ZSWIM8: variants seen among roughly 807,000 people sequenced by gnomAD.
The protein encoded by ZSWIM8 is zinc finger SWIM-type containing 8.
In ZSWIM8, 27 loss-of-function variants were observed where a neutral mutation model predicts 173.7. The ratio of observed to expected loss-of-function variants is 0.16; its 90% CI spans 0.11 to 0.21. The LOEUF (loss-of-function observed/expected upper bound fraction) is 0.21. ZSWIM8 is among the 10% of genes least tolerant of loss of function. The pLI is 1.00. For synonymous variants in ZSWIM8, 958 were observed against 962.0 expected (o/e 1.00, Z 0.08); for missense variants, 1,627 against 2,428.8 (o/e 0.67, Z 6.94).
In ZSWIM8 at chr10:73,800,153, T is replaced by A. The variant is rs755501213; in HGVS notation, c.4808T>A (p.Leu1603Gln). The A allele has an allele frequency of 6.2e-7, 1 of 1,613,626 alleles. No homozygotes were observed. Among genetic ancestry groups the A allele is most frequent in the South Asian group, 1.1e-5 (1 of 91,084 alleles). ...TACCACACAGAGCCAGGGCTTCCAC[T>A]GCCCACCAGTGTGGCCTGTGAGTTG... is the stretch of plus-strand genomic sequence containing the variant. Reference protein sequence around the residue: ...HPYHTEPGLPLPTSVALSSVH... With the variant: ...HPYHTEPGLPQPTSVALSSVH... Residue 1603 changes from leucine (L) to glutamine (Q), a missense_variant, in exon 22 of 26, where the codon CTG becomes CAG. Coordinates refer to ENST00000604729, the MANE Select transcript of ZSWIM8 (RefSeq NM_001367799.1). The surrounding 1 kb of genome is among the most constrained non-coding windows in gnomAD (Gnocchi z 4.1).
At chr10:73,793,236 C>T (rs1431760739) in intron 10 of ZSWIM8, among the ~76,000 whole-genome samples, 1 of 152,156 alleles carries the variant, frequency 6.6e-6, no homozygotes, top group Admixed American at 6.5e-5. Flanking sequence ...CTCTTGCCTC[C>T]AGGATTTTGG....
In ZSWIM8 at chr10:73,797,278, TA is replaced by T. The variant is rs2083709989; in HGVS notation, c.3433+8del. 4 of 1,613,810 alleles carry T rather than the reference TA, an allele frequency of 2.5e-6. No individual in the cohort carries two copies. The highest frequency in any genetic ancestry group is 1.7e-6 in the Non-Finnish European group (2 of 1,179,834). ...CCTAAGAAGAAGCACACAGGTAGGA[TA>T]GCCTGTGGGCTAGCATAGAGGGAAG... On this transcript the variant is annotated splice_region_variant and intron_variant, in intron 17 of 25. Coordinates refer to ENST00000604729, the MANE Select transcript of ZSWIM8 (RefSeq NM_001367799.1). This position sits in a 1 kb window ranked among gnomAD's most constrained non-coding sequence, Gnocchi z 5.6.
Position 73,791,401 on chromosome 10 carries a change from G to A in ZSWIM8, c.1221G>A (p.Gly407=). The change falls in exon 9 of 26, where the codon GGG becomes GGA. Residue 407 remains glycine (G), a synonymous_variant. Coordinates refer to ENST00000604729, the MANE Select transcript of ZSWIM8 (RefSeq NM_001367799.1). This position sits in a 1 kb window ranked among gnomAD's most constrained non-coding sequence, Gnocchi z 6.0. ...GTGGGCACACGGGCCGTAGCAACGG[G>A]CAGTCAGAGGTGGCAGCCCATGCCT... The part of the protein sequence containing the change: ...SASGHTGRSN[G]QSEVAAHACA... 6 of 1,613,952 alleles carry A rather than the reference G, an allele frequency of 3.7e-6. No individual in the cohort carries two copies. The highest frequency in any genetic ancestry group is 5.1e-6 in the Non-Finnish European group (6 of 1,179,838).
In ZSWIM8 at chr10:73,794,211, G is replaced by A; in HGVS notation, c.2690G>A (p.Ser897Asn). 1 of 1,614,066 alleles carries A rather than the reference G, an allele frequency of 6.2e-7. No homozygotes were observed. The highest frequency in any genetic ancestry group is 1.3e-5 in the African/African-American group (1 of 75,064). The change falls in exon 13 of 26, where the codon AGT becomes AAT. Residue 897 changes from serine to asparagine, a missense_variant. Around this residue, in one of 18 missense-constraint regions of ZSWIM8, gnomAD observed 169 missense variants for 235.3 expected, o/e 0.72. Transcript: ENST00000604729. ...ALLKKIPLGP[S>N]EMSTMRCRAE... is the part of the protein sequence containing the mutation. ...CTCAAGAAGATCCCTCTGGGTCCAA[G>A]TGAGATGAGTACCATGCGGTGCCGG...
chr10:73,799,641 G>C, intron 21 of ZSWIM8, 151 bp downstream of exon 21: 1 of 1,118,754 alleles, frequency 8.9e-7, no homozygotes, highest in Non-Finnish European at 1.3e-6. Context: ...ACTAAAATAA[G>C]AAATGACGGC....
At chr10:73,795,413 G>T (rs930850124) in intron 14 of ZSWIM8, 126 bp from the exon 15 acceptor site, 1 of 1,422,726 alleles carries the variant, frequency 7.0e-7, no homozygotes, top group East Asian at 2.3e-5. Context: ...TTCTATAGGT[G>T]ATGTGGGTTG....
At chr10:73,788,939 G>A in intron 2 of ZSWIM8, 116 bp downstream of exon 2, 1 of 1,483,246 alleles carries the variant, frequency 6.7e-7, no homozygotes. Context: ...AGGAAGACAA[G>A]GGAGGGATTG....
Position 73,800,513 on chromosome 10 carries a change from G to A in ZSWIM8, c.5002+41G>A. 1 of 1,609,716 alleles carries A rather than the reference G, an allele frequency of 6.2e-7. No homozygotes were observed. Among genetic ancestry groups the A allele is most frequent in the Non-Finnish European group, 8.5e-7 (1 of 1,177,482 alleles). On this transcript the variant is annotated intron_variant, in intron 23 of 25. Coordinates refer to ENST00000604729, the MANE Select transcript of ZSWIM8 (RefSeq NM_001367799.1). This position sits in a 1 kb window ranked among gnomAD's most constrained non-coding sequence, Gnocchi z 4.1. Reference sequence around the variant, plus strand: ...TTTCTGTGCTCCTACCTGCAGTTGTGCCAGTGGCTCTTCAGAGGACCCTTC... The same window carrying A: ...TTTCTGTGCTCCTACCTGCAGTTGTACCAGTGGCTCTTCAGAGGACCCTTC...
In ZSWIM8 at chr10:73,791,256, A is replaced by T. The variant is rs984578246; in HGVS notation, c.1144-68A>T. On this transcript the variant is annotated intron_variant, in intron 8 of 25. Transcript: ENST00000604729. The surrounding 1 kb of genome is among the most constrained non-coding windows in gnomAD (Gnocchi z 6.0). ...CCTCATCCTCCTCTTGCTGAAATGG[A>T]CTCTGGGAGGGCTACTCTGCCTTTC... 6.4e-7 allele frequency: 1 copy of T among 1,571,676 alleles called. No individual in the cohort carries two copies. The highest frequency in any genetic ancestry group is 8.7e-7 in the Non-Finnish European group (1 of 1,153,318).
intron 15 of ZSWIM8, among the ~76,000 whole-genome samples, chr10:73,796,133 C>T (rs553163478): frequency 7.3e-5 from 11 of 151,712 alleles, no homozygotes; most frequent in Non-Finnish European, 1.2e-4. Context: ...GAAGCAGAGG[C>T]GGGAGGATCG....
At chr10:73,799,545 AG>A (rs1457450767) in intron 21 of ZSWIM8, 55 bp downstream of exon 21, 1 of 1,566,568 alleles carries the variant, frequency 6.4e-7, no homozygotes, top group African/African-American at 1.4e-5. Context: ...GGGAATTCAT[AG>A]GGGGTTGGAG....
At position 73,799,404 on chromosome 10, in the gene ZSWIM8, C is replaced by T; in HGVS notation, c.4579C>T (p.Leu1527Phe). The T allele has an allele frequency of 6.2e-7, 1 of 1,611,390 alleles. No homozygotes were observed. Among genetic ancestry groups the T allele is most frequent in the Non-Finnish European group, 8.5e-7 (1 of 1,178,882 alleles). The change falls in exon 21 of 26, where the codon CTC becomes TTC. Residue 1527 changes from leucine (L) to phenylalanine (F), a missense_variant. Physicochemically the swap from Leu to Phe is conservative, Grantham distance 22. Around this residue, in one of 18 missense-constraint regions of ZSWIM8, gnomAD observed 275 missense variants for 290.1 expected, o/e 0.95. Transcript: ENST00000604729. ...CCACCTGCCCTGTAGCCCTCAGTAT[C>T]TCACTCACCCAGCTCACCCTGCCCA... ...QPHLPCSPQY[L>F]THPAHPAHPM...
rs1229868102 is a variant in ZSWIM8 at position 73,785,798 on chromosome 10, C to T, written c.-81C>T. The T allele has an allele frequency of 3.5e-6, 5 of 1,431,730 alleles. No individual in the cohort carries two copies. Among genetic ancestry groups the T allele is most frequent in the South Asian group, 2.6e-5 (2 of 76,278 alleles). 88.7% of individuals were successfully genotyped at this position (1,431,730 alleles called of 1,614,324 possible). On this transcript the variant is annotated 5_prime_UTR_variant, in exon 1 of 26. Coordinates refer to ENST00000604729, the MANE Select transcript of ZSWIM8 (RefSeq NM_001367799.1). ...CAGCCCCGGCTCGCCCCTCAGGCCC[C>T]GGGCCTCCCCTCAACCCCCGGCCGG...
chr10:73,799,923 T>C (rs1045538494), intron 21 of ZSWIM8, 88 bp from the exon 22 acceptor site: 9 of 1,394,208 alleles, frequency 6.5e-6, no homozygotes, highest in East Asian at 4.6e-5. Context: ...AAAAAAAACA[T>C]GTCAGGATAG....
In ZSWIM8 at chr10:73,791,830, C is replaced by T. The variant is rs937081250; in HGVS notation, c.1320-29C>T. 1 of 1,482,674 alleles carries T rather than the reference C, an allele frequency of 6.7e-7. No homozygotes were observed. The highest frequency in any genetic ancestry group is 9.0e-7 in the Non-Finnish European group (1 of 1,107,932). 91.8% of individuals were successfully genotyped at this position (1,482,674 alleles called of 1,614,324 possible). The stretch of plus-strand genomic sequence containing the variant: ...TGCCCATCCTTTCCCAGTAGCCCCT[C>T]AGCAGCCTCCTGCCCCTTGTTCCCA... On this transcript the variant is annotated intron_variant, in intron 9 of 25. Coordinates refer to ENST00000604729, the MANE Select transcript of ZSWIM8 (RefSeq NM_001367799.1). The surrounding 1 kb of genome is among the most constrained non-coding windows in gnomAD (Gnocchi z 6.0).
intron 14 of ZSWIM8, among the ~76,000 whole-genome samples, chr10:73,795,124 G>T (rs757905654): frequency 4.6e-5 from 7 of 151,756 alleles, no homozygotes; most frequent in Non-Finnish European, 1.0e-4. Flanking sequence ...AAAAAAAATT[G>T]TGTGCTATGG....
intron 1 of ZSWIM8, among the ~76,000 whole-genome samples, chr10:73,787,188 C>T (rs375229305): frequency 2.6e-5 from 4 of 152,152 alleles, no homozygotes; most frequent in East Asian, 1.9e-4. Context: ...AGGTGATCTG[C>T]GCGCCTCGGC....
chr10:73,794,036 G>A lies in ZSWIM8; in HGVS notation c.2617G>A (p.Ala873Thr). The A allele has an allele frequency of 6.2e-7, 1 of 1,612,946 alleles. No homozygotes were observed. The highest frequency in any genetic ancestry group is 8.5e-7 in the Non-Finnish European group (1 of 1,179,396). The change falls in exon 12 of 26, where the codon GCC (alanine) becomes ACC (threonine). Residue 873 changes from alanine (A) to threonine (T), a missense_variant. Ala to Thr is a moderately conservative substitution (Grantham distance 58, BLOSUM62 0). Around this residue, in one of 18 missense-constraint regions of ZSWIM8, gnomAD observed 169 missense variants for 235.3 expected, o/e 0.72. Coordinates refer to ENST00000604729, the MANE Select transcript of ZSWIM8 (RefSeq NM_001367799.1). ...ELQRPPASTK[A>T]LEVKLAYQES... ...ACAGAGGCCTCCAGCTTCTACCAAG[G>A]CCTTGGAGGTCAGAGGCTCCATCTC...
rs549003539 is a variant in ZSWIM8 at position 73,798,464 on chromosome 10, G to A, written c.4176+11G>A. 23 of 1,607,648 alleles carry A rather than the reference G, an allele frequency of 1.4e-5. No homozygotes were observed. The highest frequency in any genetic ancestry group is 2.2e-5 in the South Asian group (2 of 90,828). ...CAGTGCAAGGAACAGGTATTTCTACGGGCAATCTGGGAACCTCTTCTGGGG... is the reference window on the plus strand; with the variant it reads ...CAGTGCAAGGAACAGGTATTTCTACAGGCAATCTGGGAACCTCTTCTGGGG... On this transcript the variant is annotated intron_variant, in intron 20 of 25. Coordinates refer to ENST00000604729, the MANE Select transcript of ZSWIM8 (RefSeq NM_001367799.1).
Sources: gnomAD v4.1 joint callset for allele counts (sites outside exome capture counted in the v4.1 genomes callset) on GRCh38, gnomAD v4.1.1 for gene constraint, gnomAD v4.1.1 regional missense constraint, Gnocchi (gnomAD v3.1) non-coding constraint, MANE v1.5 for transcripts, NCBI Gene and HGNC (gene_info 2026-07-23, HGNC 2026-07-21) for gene names.